Variants in SLC44A5 observed in about 807,000 individuals in gnomAD.
SLC44A5 encodes solute carrier family 44 member 5.
Under a neutral mutation model 101.8 loss-of-function variants are expected in SLC44A5, and 57 were observed. The ratio of observed to expected loss-of-function variants is 0.56; its 90% CI spans 0.45 to 0.70. SLC44A5 has a LOEUF of 0.70. Among genes scored for constraint, SLC44A5 ranks in the 30% least tolerant of loss-of-function variants. SLC44A5 has a pLI of 0.00. For missense variants in SLC44A5, 737 were observed against 853.1 expected (o/e 0.86, Z 1.70); for synonymous variants, 281 against 290.9 (o/e 0.97, Z 0.35).
At chr1:75,629,835 A>G in the SLC44A5 span, among the ~76,000 whole-genome samples, 2 of 152,242 alleles carry the variant, frequency 1.3e-5, no homozygotes, top group African/African-American at 4.8e-5. Flanking sequence ...CAATTTTTAA[A>G]GAAATGAGGT....
At chr1:75,280,959 A>G (rs1438449414) in intron 5 of SLC44A5, among the ~76,000 whole-genome samples, 2 of 152,132 alleles carry the variant, frequency 1.3e-5, no homozygotes, top group Non-Finnish European at 1.5e-5. Flanking sequence ...AAATTGGTAC[A>G]GGAATGGGGT....
chr1:75,285,305 A>G (rs1652949578), intron 5 of SLC44A5, among the ~76,000 whole-genome samples: 1 of 152,100 alleles, frequency 6.6e-6, no homozygotes, highest in African/African-American at 2.4e-5. Context: ...GTAGCCTTAA[A>G]TAATCTTTTG....
At chr1:75,667,600 GAAAACA>G in the SLC44A5 span, among the ~76,000 whole-genome samples, 2,418 of 152,034 alleles carry the variant, frequency 0.016, 69 homozygotes, top group African/African-American at 0.053. Context: ...TATGGAACCA[GAAAACA>G]AAAACAAAAA....
intron 2 of SLC44A5, among the ~76,000 whole-genome samples, chr1:75,507,281 CT>C (rs750109251): frequency 1.3e-5 from 2 of 152,028 alleles, no homozygotes; most frequent in Non-Finnish European, 2.9e-5. Flanking sequence ...TTATTTAAAG[CT>C]TTCTCTGCAT....
chr1:75,564,376 G>C (rs1445359979), intron 1 of SLC44A5, among the ~76,000 whole-genome samples: 3 of 152,008 alleles, frequency 2.0e-5, no homozygotes, highest in Non-Finnish European at 4.4e-5. Flanking sequence ...TTATCAATTT[G>C]GGTATCATGA....
At chr1:75,385,547 G>C (rs1419908586) in intron 3 of SLC44A5, among the ~76,000 whole-genome samples, 1 of 152,168 alleles carries the variant, frequency 6.6e-6, no homozygotes, top group African/African-American at 2.4e-5. Flanking sequence ...AACAGGCTCT[G>C]AAATTGTGGC....
chr1:75,597,242 G>A (rs541483479), intron 1 of SLC44A5, among the ~76,000 whole-genome samples: 100 of 149,840 alleles, frequency 6.7e-4, no homozygotes, highest in Non-Finnish European at 1.1e-3. Flanking sequence ...TAAACCTAAC[G>A]GGGGGTGAAA....
chr1:75,468,385 G>A (rs144930033), intron 2 of SLC44A5, among the ~76,000 whole-genome samples: 9 of 152,188 alleles, frequency 5.9e-5, no homozygotes, highest in South Asian at 2.1e-4. Flanking sequence ...TTGTTGTAGC[G>A]CTCTTCACGA....
At chr1:75,372,053 C>T (rs1660261166) in intron 3 of SLC44A5, among the ~76,000 whole-genome samples, 2 of 152,146 alleles carry the variant, frequency 1.3e-5, no homozygotes, top group Middle Eastern at 3.4e-3. Flanking sequence ...AAACATTAGC[C>T]GGGCATGTTG....
At chr1:75,664,248 G>C in the SLC44A5 span, among the ~76,000 whole-genome samples, 1 of 151,980 alleles carries the variant, frequency 6.6e-6, no homozygotes, top group Non-Finnish European at 1.5e-5. Flanking sequence ...AAGAGAACTG[G>C]AATAAGACAA....
At chr1:75,306,179 A>G (rs145667668) in intron 4 of SLC44A5, among the ~76,000 whole-genome samples, 2 of 152,334 alleles carry the variant, frequency 1.3e-5, no homozygotes, top group East Asian at 3.9e-4. Flanking sequence ...TTTTGCTACA[A>G]TGGCTTAGTA....
At chr1:75,272,173 C>T (rs1479926136) in intron 6 of SLC44A5, among the ~76,000 whole-genome samples, 1 of 151,864 alleles carries the variant, frequency 6.6e-6, no homozygotes, top group Admixed American at 6.6e-5. Flanking sequence ...TTGTATTTTT[C>T]TTGCTGATTT....
At chr1:75,454,966 A>G (rs1218072424) in intron 2 of SLC44A5, among the ~76,000 whole-genome samples, 1 of 152,154 alleles carries the variant, frequency 6.6e-6, no homozygotes, top group African/African-American at 2.4e-5. Flanking sequence ...AGCAATCTAC[A>G]GATTCAATGC....
At position 75,271,259 on chromosome 1, in the gene SLC44A5, T is replaced by A. The variant is rs1404848563; in HGVS notation, c.260+3699A>T. Among the ~76,000 whole-genome samples, 5 of 152,250 alleles carry A rather than the reference T, an allele frequency of 3.3e-5. No homozygotes were observed. The East Asian group carries it at 9.6e-4, about 29-fold the overall frequency. On this transcript the variant is annotated intron_variant, in intron 6 of 23. Coordinates refer to ENST00000370859, the MANE Select transcript of SLC44A5 (RefSeq NM_001130058.2). ...AATTTTGTTAACCATTTTCTGAATC[T>A]GTCTTTTTTCTTTTCTTATTTACAT...
chr1:75,591,327 G>C (rs398450), intron 1 of SLC44A5, among the ~76,000 whole-genome samples: 52,309 of 151,882 alleles, frequency 0.34, 9,407 homozygotes, highest in Non-Finnish European at 0.4. Flanking sequence ...CAAATGGCAC[G>C]CGTAAGTTCT....
At chr1:75,533,169 C>A (rs1670814564) in intron 2 of SLC44A5, among the ~76,000 whole-genome samples, 1 of 152,122 alleles carries the variant, frequency 6.6e-6, no homozygotes, top group Admixed American at 6.5e-5. Flanking sequence ...ATGATTCTGG[C>A]TCTATAGCTC....
chr1:75,374,046 A>G (rs988816689), intron 3 of SLC44A5, among the ~76,000 whole-genome samples: 1 of 152,176 alleles, frequency 6.6e-6, no homozygotes, highest in African/African-American at 2.4e-5. Flanking sequence ...TGTTAGCTGC[A>G]GCTTCTGCCC....
At chr1:75,520,211 T>A (rs1163380498) in intron 2 of SLC44A5, among the ~76,000 whole-genome samples, 1 of 152,120 alleles carries the variant, frequency 6.6e-6, no homozygotes, top group East Asian at 1.9e-4. Flanking sequence ...CTCTTGAAAT[T>A]GGAGTGGCAT....
At chr1:75,384,055 A>T (rs936003784) in intron 3 of SLC44A5, among the ~76,000 whole-genome samples, 2 of 151,530 alleles carry the variant, frequency 1.3e-5, no homozygotes, top group African/African-American at 4.8e-5. Flanking sequence ...TCCTGAAGGA[A>T]GCACTAAACA....
Sources: gnomAD v4.1 joint callset for allele counts (sites outside exome capture counted in the v4.1 genomes callset) on GRCh38, gnomAD v4.1.1 for gene constraint, MANE v1.5 for transcripts, NCBI Gene and HGNC (gene_info 2026-07-23, HGNC 2026-07-21) for gene names.